The following ASIC2 variants were observed in gnomAD, a reference collection of about 807,000 sequenced individuals.
The protein encoded by ASIC2 is acid-sensing ion channel 2.
Under a neutral mutation model 57.3 loss-of-function variants are expected in ASIC2, and 25 were observed. The ratio of observed to expected loss-of-function variants is 0.44; its 90% CI spans 0.32 to 0.61. The LOEUF (loss-of-function observed/expected upper bound fraction) is 0.61, where lower values mean the gene tolerates loss of function less well. Among genes scored for constraint, ASIC2 ranks in the 20% least tolerant of loss-of-function variants. The pLI is 0.06. For missense variants in ASIC2, 641 were observed against 738.1 expected (o/e 0.87, Z 1.52); for synonymous variants, 319 against 307.5 (o/e 1.04, Z -0.39).
chr17:34,011,075 G>GAACACACACACACACACACACACACACA (rs1567786939), intron 1 of ASIC2, among the ~76,000 whole-genome samples: 1 of 2,666 alleles, frequency 3.8e-4, no homozygotes, highest in African/African-American at 1.4e-3. Flanking sequence ...ATGCCTCCAG[G>GAACACACACACACACACACACACACACA]CAGACACATG....
At chr17:33,306,612 T>G (rs1906188781) in intron 1 of ASIC2, among the ~76,000 whole-genome samples, 1 of 152,174 alleles carries the variant, frequency 6.6e-6, no homozygotes, top group African/African-American at 2.4e-5. Flanking sequence ...CATTCTCAAG[T>G]GCATGGCCTG....
intron 1 of ASIC2, among the ~76,000 whole-genome samples, chr17:33,198,889 T>C (rs1489296672): frequency 6.6e-6 from 1 of 152,230 alleles, no homozygotes; most frequent in Non-Finnish European, 1.5e-5. Flanking sequence ...GCCTTGACCA[T>C]GTCATTAACC....
intron 1 of ASIC2, among the ~76,000 whole-genome samples, chr17:33,754,097 T>C (rs912087386): frequency 2.0e-5 from 3 of 152,088 alleles, no homozygotes; most frequent in African/African-American, 7.2e-5. Context: ...CTGATTCCCT[T>C]CCTCCACCCC....
intron 1 of ASIC2, among the ~76,000 whole-genome samples, chr17:33,446,785 C>A (rs1449270706): frequency 6.6e-6 from 1 of 152,102 alleles, no homozygotes; most frequent in African/African-American, 2.4e-5. Context: ...AATCTTTGAA[C>A]CTAGTCAAAA....
At chr17:34,107,235 CTCACAGCTGTAA>C (rs1247220354) in intron 1 of ASIC2, among the ~76,000 whole-genome samples, 23 of 152,286 alleles carry the variant, frequency 1.5e-4, no homozygotes, top group African/African-American at 5.1e-4. Context: ...GGCACAGTGG[CTCACAGCTGTAA>C]TCCCAGCACT....
At chr17:33,464,278 T>A (rs1912736812) in intron 1 of ASIC2, among the ~76,000 whole-genome samples, 1 of 152,202 alleles carries the variant, frequency 6.6e-6, no homozygotes, top group Non-Finnish European at 1.5e-5. Flanking sequence ...AGCCTCTCAC[T>A]AGTCCCAGGC....
chr17:33,359,122 T>C (rs1908500271), intron 1 of ASIC2, among the ~76,000 whole-genome samples: 4 of 152,194 alleles, frequency 2.6e-5, no homozygotes, highest in Admixed American at 2.6e-4. Context: ...TTGAACATCA[T>C]GGCCTTGGCC....
At chr17:33,708,096 G>A (rs1166781632) in intron 1 of ASIC2, among the ~76,000 whole-genome samples, 1 of 152,188 alleles carries the variant, frequency 6.6e-6, no homozygotes, top group Admixed American at 6.5e-5. Flanking sequence ...AGGGAGAGCT[G>A]TCTGGTTGCC....
At chr17:34,073,000 T>C (rs1180103319) in intron 1 of ASIC2, among the ~76,000 whole-genome samples, 1 of 152,150 alleles carries the variant, frequency 6.6e-6, no homozygotes, top group Non-Finnish European at 1.5e-5. Context: ...GGAAAACCAT[T>C]ATGCCAGGTA....
intron 2 of ASIC2, among the ~76,000 whole-genome samples, chr17:33,110,567 G>A (rs146969625): frequency 1.2e-3 from 187 of 152,306 alleles, no homozygotes; most frequent in Non-Finnish European, 2.0e-3. Flanking sequence ...TTCAGTTGGA[G>A]GAGCAGAGGA....
intron 1 of ASIC2, among the ~76,000 whole-genome samples, chr17:33,909,329 C>G (rs1915412501): frequency 6.6e-6 from 1 of 152,228 alleles, no homozygotes. Context: ...AGGCCATTCT[C>G]CATTCCAAAC....
chr17:34,112,449 A>G (rs1268180518), intron 1 of ASIC2, among the ~76,000 whole-genome samples: 1 of 151,368 alleles, frequency 6.6e-6, no homozygotes, highest in Non-Finnish European at 1.5e-5. Flanking sequence ...TTCAGACGCA[A>G]GACAGGCCAA....
At chr17:33,030,932 T>G (rs538372566) in intron 3 of ASIC2, among the ~76,000 whole-genome samples, 1 of 152,330 alleles carries the variant, frequency 6.6e-6, no homozygotes, top group East Asian at 1.9e-4. Context: ...TGGAGGTTTT[T>G]TGCATCTATG....
chr17:33,609,547 C>A (rs749102315), intron 1 of ASIC2, among the ~76,000 whole-genome samples: 3 of 152,200 alleles, frequency 2.0e-5, no homozygotes, highest in Non-Finnish European at 4.4e-5. Context: ...AAGCTCAACC[C>A]AGTAGAAGCC....
intron 2 of ASIC2, among the ~76,000 whole-genome samples, chr17:33,089,460 C>T (rs189147609): frequency 6.6e-6 from 1 of 152,132 alleles, no homozygotes; most frequent in African/African-American, 2.4e-5. Context: ...TTTTATTGAG[C>T]CTAGGGAAAT....
At chr17:34,034,659 CA>C (rs1240313608) in intron 1 of ASIC2, among the ~76,000 whole-genome samples, 3 of 152,202 alleles carry the variant, frequency 2.0e-5, no homozygotes, top group Non-Finnish European at 4.4e-5. Flanking sequence ...GCAACTTCAG[CA>C]AAGTCTCAGG....
chr17:34,120,719 C>CTTCTTTTTTTTTTTTTT (rs1399109976), intron 1 of ASIC2, among the ~76,000 whole-genome samples: 1 of 126,186 alleles, frequency 7.9e-6, no homozygotes, highest in African/African-American at 3.0e-5. Flanking sequence ...GACTGGGGTC[C>CTTCTTTTTTTTTTTTTT]TTCTTTTTTT....
chr17:33,831,000 C>T (rs922196329), intron 1 of ASIC2, among the ~76,000 whole-genome samples: 2 of 149,492 alleles, frequency 1.3e-5, no homozygotes, highest in Non-Finnish European at 3.0e-5. Context: ...ATCCCAGCTA[C>T]TCGGGAGGCT....
chr17:33,451,492 C>T (rs539466860), intron 1 of ASIC2, among the ~76,000 whole-genome samples: 16 of 152,260 alleles, frequency 1.1e-4, no homozygotes, highest in East Asian at 5.8e-4. Context: ...CAGTAGTCAG[C>T]GCTGTTACAA....
Sources: allele counts gnomAD v4.1 joint callset (sites outside exome capture counted in the v4.1 genomes callset), GRCh38; gene constraint gnomAD v4.1.1; transcripts MANE v1.5; gene names NCBI Gene and HGNC (gene_info 2026-07-23, HGNC 2026-07-21).